PHACTR1: variants seen among roughly 807,000 people sequenced by gnomAD.
PHACTR1 encodes RPEL repeat containing 1.
PHACTR1 carries 16 observed loss-of-function variants against 69.2 expected under a neutral mutation model. That is an observed-to-expected ratio of 0.23 (90% CI 0.16 to 0.35). The LOEUF is 0.35. PHACTR1 is among the 10% of genes least tolerant of loss of function. The pLI is 1.00. For missense variants in PHACTR1, 510 were observed against 734.7 expected, an observed-to-expected ratio of 0.69 and a Z score of 3.54; for synonymous variants, 312 against 284.5, an observed-to-expected ratio of 1.10 and a Z score of -0.97.
chr6:13,116,483 C>T (rs942198838), intron 5 of PHACTR1, among the ~76,000 whole-genome samples: 1 of 152,144 alleles, frequency 6.6e-6, no homozygotes, highest in Non-Finnish European at 1.5e-5. Flanking sequence ...TTTAAGGCTG[C>T]CTTGAAAAAC....
intron 7 of PHACTR1, among the ~76,000 whole-genome samples, chr6:13,202,757 G>C (rs530944512): frequency 3.3e-5 from 5 of 152,212 alleles, no homozygotes; most frequent in African/African-American, 9.6e-5. Flanking sequence ...GATTACAGGC[G>C]TGGGCCACCG....
intron 4 of PHACTR1, among the ~76,000 whole-genome samples, chr6:12,897,698 TTTATTA>T (rs10526737): frequency 0.12 from 17,742 of 148,760 alleles, 2,400 homozygotes; most frequent in African/African-American, 0.34. Flanking sequence ...TTTGTAATCT[TTTATTA>T]TTATTATTAT....
At chr6:12,817,544 C>G (rs1341686282) in intron 4 of PHACTR1, among the ~76,000 whole-genome samples, 1 of 152,162 alleles carries the variant, frequency 6.6e-6, no homozygotes, top group Non-Finnish European at 1.5e-5. Flanking sequence ...TCTTAGTGCT[C>G]TTGCTACAGT....
At chr6:13,242,493 C>T (rs1335984056) in intron 10 of PHACTR1, among the ~76,000 whole-genome samples, 1 of 152,150 alleles carries the variant, frequency 6.6e-6, no homozygotes, top group Non-Finnish European at 1.5e-5. Flanking sequence ...AATTCAGGGG[C>T]ACCAGGTACA....
chr6:12,933,874 G>T (rs778424451), intron 4 of PHACTR1: 2 of 1,612,514 alleles, frequency 1.2e-6, no homozygotes, highest in African/African-American at 1.3e-5. Context: ...TGCCTTTAGA[G>T]GGGGAAGAGT....
intron 5 of PHACTR1, among the ~76,000 whole-genome samples, chr6:13,153,942 C>T (rs1257322527): frequency 3.3e-5 from 5 of 152,080 alleles, no homozygotes; most frequent in African/African-American, 7.2e-5. Context: ...ATTTTTTTAA[C>T]TAATGCTTTT....
intron 4 of PHACTR1, among the ~76,000 whole-genome samples, chr6:12,878,437 A>G (rs867166270): frequency 6.6e-6 from 1 of 152,232 alleles, no homozygotes; most frequent in African/African-American, 2.4e-5. Flanking sequence ...AAATGTCAAC[A>G]TTGAAATTGA....
intron 4 of PHACTR1, among the ~76,000 whole-genome samples, chr6:12,878,606 T>C (rs1292396435): frequency 1.3e-5 from 2 of 152,200 alleles, no homozygotes; most frequent in Non-Finnish European, 2.9e-5. Flanking sequence ...AAGCTCTCTA[T>C]TACCAAGAGC....
rs143485719 is a variant in PHACTR1, at chr6:12,866,836, G to A, written c.250+117046G>A. On this transcript the variant is annotated intron_variant, in intron 4 of 14. Coordinates refer to ENST00000332995, the MANE Select transcript of PHACTR1 (RefSeq NM_030948.6). ...TGCTAGGAAACCAAGTGGCCCGTAG[G>A]TGCTAAACTAGCTTTCTGTTTGTCA... Among the ~76,000 whole-genome samples the A allele has an allele frequency of 5.3e-5, 8 of 152,292 alleles. No homozygotes were observed. In the East Asian group the frequency reaches 1.5e-3, roughly 29 times the overall value.
chr6:13,284,544 A>T (rs1781126302), intron 13 of PHACTR1, among the ~76,000 whole-genome samples: 3 of 66,268 alleles, frequency 4.5e-5, no homozygotes, highest in Admixed American at 1.8e-4. Flanking sequence ...AAAAAAAAAA[A>T]TATATATATA....
At chr6:12,957,565 C>T (rs932526887) in intron 4 of PHACTR1, 10 of 985,464 alleles carry the variant, frequency 1.0e-5, no homozygotes, top group East Asian at 1.1e-4. Context: ...GTCTGTGCCC[C>T]ACCGGCTGGA....
intron 5 of PHACTR1, among the ~76,000 whole-genome samples, chr6:13,056,273 G>A (rs1429733187): frequency 6.6e-6 from 1 of 152,146 alleles, no homozygotes; most frequent in African/African-American, 2.4e-5. Flanking sequence ...GGGGACACAT[G>A]TCTGTAGTCC....
At chr6:13,191,729 A>G (rs1466769238) in intron 7 of PHACTR1, among the ~76,000 whole-genome samples, 1 of 152,206 alleles carries the variant, frequency 6.6e-6, no homozygotes, top group Non-Finnish European at 1.5e-5. Context: ...GGTCAGCCCC[A>G]GGAGGGACAG....
chr6:12,882,750 A>T (rs2127457481), intron 4 of PHACTR1, among the ~76,000 whole-genome samples: 1 of 152,240 alleles, frequency 6.6e-6, no homozygotes, highest in South Asian at 2.1e-4. Context: ...GGAAAATTGG[A>T]TGGTTTCCTG....
chr6:13,148,229 T>A (rs1274401899), intron 5 of PHACTR1, among the ~76,000 whole-genome samples: 1 of 151,772 alleles, frequency 6.6e-6, no homozygotes, highest in Non-Finnish European at 1.5e-5. Context: ...TTGAGAGAAT[T>A]GTATAATGAT....
chr6:12,970,612 C>T (rs1214565803), intron 4 of PHACTR1, among the ~76,000 whole-genome samples: 2 of 152,070 alleles, frequency 1.3e-5, no homozygotes, highest in Admixed American at 6.6e-5. Flanking sequence ...AAAAATTAGC[C>T]AGGCGTGGTG....
chr6:13,281,441 C>A, intron 12 of PHACTR1: 1 of 299,854 alleles, frequency 3.3e-6, no homozygotes, highest in South Asian at 2.7e-5. Flanking sequence ...GTAATCCCAG[C>A]TACTCGGGAG....
chr6:12,983,064 C>T (rs1582821278), intron 4 of PHACTR1, among the ~76,000 whole-genome samples: 1 of 152,034 alleles, frequency 6.6e-6, no homozygotes, highest in African/African-American at 2.4e-5. Flanking sequence ...AGAACAAAAC[C>T]AATGCTTGAG....
At chr6:13,222,889 G>C (rs375251223) in intron 8 of PHACTR1, among the ~76,000 whole-genome samples, 1 of 152,200 alleles carries the variant, frequency 6.6e-6, no homozygotes, top group East Asian at 1.9e-4. Context: ...GCCTGGTCTA[G>C]AGCAACATTT....
Sources: allele counts gnomAD v4.1 joint callset (sites outside exome capture counted in the v4.1 genomes callset), GRCh38; gene constraint gnomAD v4.1.1; transcripts MANE v1.5; gene names NCBI Gene and HGNC (gene_info 2026-07-23, HGNC 2026-07-21).